Variants in DPP8 observed in about 807,000 individuals in gnomAD.
The protein encoded by DPP8 is DPP VIII.
Under a neutral mutation model 107.5 loss-of-function variants are expected in DPP8, and 31 were observed. The ratio of observed to expected loss-of-function variants is 0.29; its 90% CI spans 0.22 to 0.39. The LOEUF is 0.39. DPP8 is among the 10% of genes least tolerant of loss of function. The pLI is 1.00. For synonymous variants in DPP8, 381 were observed against 356.6 expected (o/e 1.07, Z -0.77); for missense variants, 842 against 1,076.1 (o/e 0.78, Z 3.04).
chr15:65,474,193 G>C lies in DPP8; in HGVS notation c.1536+16C>G. ...GTAATACTGACCAAACATATCAGTA[G>C]AATAAAATAACATACATTAGATCCA... On this transcript the variant is annotated intron_variant, in intron 12 of 19. Transcript: ENST00000300141. 6.4e-7 allele frequency: 1 copy of C among 1,570,780 alleles called. No individual in the cohort carries two copies. The highest frequency in any genetic ancestry group is 8.8e-7 in the Non-Finnish European group (1 of 1,140,838).
Position 65,512,311 on chromosome 15 carries a change from G to T in DPP8, c.243C>A (p.Asp81Glu). ...CGTACTCACCAAGGTAATAGATTCT[G>T]TCTGAATGAGGTCCATCTGGATCAT... Reference protein sequence around the residue: ...KRNDPDGPHSDRIYYLAMSGE... With the variant: ...KRNDPDGPHSERIYYLAMSGE... Residue 81 changes from aspartate to glutamate, a missense_variant, in exon 2 of 20, where the codon GAC becomes GAA. Physicochemically the swap from Asp to Glu is conservative, Grantham distance 45. This residue lies in a region of DPP8 where 663 missense variants were observed against 758.0 expected (regional missense o/e 0.87). Transcript: ENST00000300141. 1 of 1,612,426 alleles carries T rather than the reference G, an allele frequency of 6.2e-7. No individual in the cohort carries two copies. The highest frequency in any genetic ancestry group is 8.5e-7 in the Non-Finnish European group (1 of 1,179,432).
At chr15:65,470,435 G>A (rs9744304) in intron 12 of DPP8, among the ~76,000 whole-genome samples, 8,391 of 151,196 alleles carry the variant, frequency 0.055, 793 homozygotes, top group African/African-American at 0.19. Context: ...GTGAAACCCC[G>A]TCTCTACTAA....
chr15:65,463,894 T>C lies in DPP8; in HGVS notation c.1838A>G (p.Asp613Gly). The C allele has an allele frequency of 2.5e-6, 4 of 1,579,850 alleles. No individual in the cohort carries two copies. The highest frequency in any genetic ancestry group is 3.4e-6 in the Non-Finnish European group (4 of 1,166,826). The stretch of plus-strand genomic sequence containing the variant: ...AGAGAAAATTTCTGGAGGAGTATAG[T>C]CAGGAAGAGGACCTGTGAATAGGTA... ...TILDSAGPLPDYTPPEIFSFE... is the reference protein window; with the variant it reads ...TILDSAGPLPGYTPPEIFSFE... Residue 613 changes from aspartate (D) to glycine (G), a missense_variant, in exon 15 of 20, where the codon GAC becomes GGC. Physicochemically the swap from Asp to Gly is moderately conservative, Grantham distance 94. Coordinates refer to ENST00000300141, the MANE Select transcript of DPP8 (RefSeq NM_130434.5).
intron 5 of DPP8, among the ~76,000 whole-genome samples, chr15:65,496,456 T>C (rs2068610925): frequency 1.3e-5 from 2 of 152,176 alleles, no homozygotes; most frequent in Admixed American, 1.3e-4. Flanking sequence ...GAAAAAGCAA[T>C]ACACTATTTC....
At position 65,445,984 on chromosome 15, in the gene DPP8, G is replaced by C. The variant is rs1199598077; in HGVS notation, c.*900C>G. ...TCCCTTCAATCTCCTTAAAATTCTAGAATATTTTAATAAGGAAATACCAAA... is the reference window on the plus strand; with the variant it reads ...TCCCTTCAATCTCCTTAAAATTCTACAATATTTTAATAAGGAAATACCAAA... On this transcript the variant is annotated 3_prime_UTR_variant, in exon 20 of 20. Coordinates refer to ENST00000300141, the MANE Select transcript of DPP8 (RefSeq NM_130434.5). The C allele has an allele frequency of 6.6e-6, 1 of 151,082 alleles. No homozygotes were observed. Among genetic ancestry groups the C allele is most frequent in the African/African-American group, 2.4e-5 (1 of 41,030 alleles). 9.4% of individuals were successfully genotyped at this position (151,082 alleles called of 1,614,324 possible).
chr15:65,444,127 C>G lies in DPP8; in HGVS notation c.*2757G>C, dbSNP rs764350230. On this transcript the variant is annotated 3_prime_UTR_variant, in exon 20 of 20. Coordinates refer to ENST00000300141, the MANE Select transcript of DPP8 (RefSeq NM_130434.5). ...AGAGACGGGGTTTCACCATGTCGAC[C>G]AAGCTGGTCTTGATCTCCTGACTTC... 1 of 152,224 alleles carries G rather than the reference C, an allele frequency of 6.6e-6. No individual in the cohort carries two copies. The highest frequency in any genetic ancestry group is 2.4e-5 in the African/African-American group (1 of 41,444). The allele number at this position is 152,224 out of a possible 1,614,324, so 9.4% of individuals were successfully genotyped here.
chr15:65,516,865 A>C (rs1165498420), intron 1 of DPP8: 1 of 152,352 alleles, frequency 6.6e-6, no homozygotes, highest in Non-Finnish European at 1.5e-5. Context: ...ACAAGAGGAG[A>C]GGCATAGCAG....
chr15:65,476,257 G>A lies in DPP8; in HGVS notation c.1457-1969C>T, dbSNP rs574646171. On this transcript the variant is annotated intron_variant, in intron 11 of 19. Coordinates refer to ENST00000300141, the MANE Select transcript of DPP8 (RefSeq NM_130434.5). ...AAGTTTAAAAAAATATTTTAAACTC[G>A]AAGAGCACAAAAAAATTAAAAAATC... Among the ~76,000 whole-genome samples, 9 of 152,114 alleles carry A rather than the reference G, an allele frequency of 5.9e-5. No individual in the cohort carries two copies. The East Asian group carries it at 1.5e-3, about 26-fold the overall frequency.
At chr15:65,483,906 T>C (rs2067164260) in intron 8 of DPP8, among the ~76,000 whole-genome samples, 1 of 152,170 alleles carries the variant, frequency 6.6e-6, no homozygotes, top group Non-Finnish European at 1.5e-5. Context: ...AAATGAAGTA[T>C]TGACACATGG....
chr15:65,480,283 G>T lies in DPP8; in HGVS notation c.1235C>A (p.Ser412Ter). Residue 412 changes from serine (S) to a stop codon, truncating the protein, a stop_gained, in exon 10 of 20, where the codon TCA becomes TAA. Transcript: ENST00000300141. LOFTEE classifies it high-confidence loss of function. Reference sequence around the variant, plus strand: ...TAGTGGCGTCACAGAATCAGGCACTGACTCAATGAGTCTCTGCCTTTCCAT... The same window carrying T: ...TAGTGGCGTCACAGAATCAGGCACTTACTCAATGAGTCTCTGCCTTTCCAT... ...DVMERQRLIE[S>*]VPDSVTPLII... 6.2e-7 allele frequency: 1 copy of T among 1,613,918 alleles called. No homozygotes were observed. The highest frequency in any genetic ancestry group is 8.5e-7 in the Non-Finnish European group (1 of 1,179,946).
At position 65,443,420 on chromosome 15, in the gene DPP8, G is replaced by A. The variant is rs542932832; in HGVS notation, c.*3464C>T. 1 of 151,702 alleles carries A rather than the reference G, an allele frequency of 6.6e-6. No individual in the cohort carries two copies. Among genetic ancestry groups the A allele is most frequent in the South Asian group, 2.1e-4 (1 of 4,806 alleles). The allele number at this position is 151,702 out of a possible 1,614,324, so 9.4% of individuals were successfully genotyped here. A position where few individuals can be genotyped will look rare whatever the true frequency, so the allele number is the denominator to read the frequency against. On this transcript the variant is annotated 3_prime_UTR_variant, in exon 20 of 20. Transcript: ENST00000300141. ...GATTTAATAATGAGAAATCTTATAGGAATCATTCCACCTAAAGAGAACTAT... is the reference window on the plus strand; with the variant it reads ...GATTTAATAATGAGAAATCTTATAGAAATCATTCCACCTAAAGAGAACTAT...
intron 3 of DPP8, among the ~76,000 whole-genome samples, chr15:65,505,364 AAAAAT>A (rs1051874881): frequency 2.6e-5 from 4 of 152,054 alleles, no homozygotes; most frequent in African/African-American, 9.7e-5. Context: ...CAAAAAAAAA[AAAAAT>A]AGTCTGAGCA....
At chr15:65,503,497 G>C (rs988953865) in intron 3 of DPP8, among the ~76,000 whole-genome samples, 17 of 151,226 alleles carry the variant, frequency 1.1e-4, no homozygotes, top group Non-Finnish European at 5.9e-5. Context: ...CTGGAGTGCA[G>C]AGGTGCCATC....
intron 4 of DPP8, among the ~76,000 whole-genome samples, chr15:65,500,262 T>C (rs1460964557): frequency 6.6e-6 from 1 of 151,912 alleles, no homozygotes; most frequent in Non-Finnish European, 1.5e-5. Context: ...CTACTAAAAA[T>C]ACAAAATTAG....
At chr15:65,464,218 C>T (rs1328508686) in intron 14 of DPP8, among the ~76,000 whole-genome samples, 1 of 152,050 alleles carries the variant, frequency 6.6e-6, no homozygotes, top group Non-Finnish European at 1.5e-5. Flanking sequence ...AAAAAATTAG[C>T]TGGGCATGGT....
chr15:65,448,185 A>T (rs2063611129), intron 19 of DPP8, among the ~76,000 whole-genome samples: 1 of 151,738 alleles, frequency 6.6e-6, no homozygotes, highest in African/African-American at 2.4e-5. Context: ...AGGAGTTTGA[A>T]ACGAGCCCAG....
rs1261033503 is a variant in DPP8, at chr15:65,446,862, G to T, written c.*22C>A. The T allele has an allele frequency of 6.3e-7, 1 of 1,594,448 alleles. No homozygotes were observed. The highest frequency in any genetic ancestry group is 8.5e-7 in the Non-Finnish European group (1 of 1,172,408). Reference sequence around the variant, plus strand: ...TTGGTTAAATAGCCAGTGTATACCAGAGAGTTCTACACAGGTCAAAATTAT... The same window carrying T: ...TTGGTTAAATAGCCAGTGTATACCATAGAGTTCTACACAGGTCAAAATTAT... On this transcript the variant is annotated 3_prime_UTR_variant, in exon 20 of 20. Coordinates refer to ENST00000300141, the MANE Select transcript of DPP8 (RefSeq NM_130434.5).
At chr15:65,454,669 G>A (rs959007715) in intron 16 of DPP8, among the ~76,000 whole-genome samples, 2 of 152,124 alleles carry the variant, frequency 1.3e-5, no homozygotes, top group African/African-American at 4.8e-5. Context: ...TGGGATCACA[G>A]GCATGCGCCA....
chr15:65,494,537 G>C (rs1443993110), intron 5 of DPP8, among the ~76,000 whole-genome samples: 1 of 150,800 alleles, frequency 6.6e-6, no homozygotes, highest in East Asian at 1.9e-4. Flanking sequence ...GGTAGGCGTG[G>C]TGGCACACAC....
Sources: gnomAD v4.1 joint callset for allele counts (sites outside exome capture counted in the v4.1 genomes callset) on GRCh38, gnomAD v4.1.1 for gene constraint, gnomAD v4.1.1 regional missense constraint, MANE v1.5 for transcripts, NCBI Gene and HGNC (gene_info 2026-07-23, HGNC 2026-07-21) for gene names.